CORO1B: variants seen among roughly 807,000 people sequenced by gnomAD.
The protein encoded by CORO1B is coronin 1B, also known as coronin-1B.
A neutral mutation model predicts 51.1 loss-of-function variants in CORO1B; 30 were observed. The observed-to-expected ratio is 0.59, with a 90% CI of 0.44 to 0.80. CORO1B has a LOEUF of 0.80. CORO1B is among the 30% of genes least tolerant of loss of function. The pLI is 0.00. For synonymous variants in CORO1B, 310 were observed against 289.7 expected (o/e 1.07, Z -0.71); for missense variants, 648 against 700.4 (o/e 0.93, Z 0.84).
Position 67,438,843 on chromosome 11 carries a change from G to T in CORO1B, c.1172C>A (p.Ser391Ter). Residue 391 changes from serine (S) to a stop codon, truncating the protein, a stop_gained, in exon 10 of 11, where the codon TCA becomes TAA. Coordinates refer to ENST00000341356, the MANE Select transcript of CORO1B (RefSeq NM_020441.3). LOFTEE classifies it high-confidence loss of function. ...GCTGGGCACGTAGGCCTCCCGCAGT[G>T]AGATGAGGATCGGGTCGGCATCCCG... ...SGRDADPILI[S>*]LREAYVPSKQ... The T allele has an allele frequency of 6.2e-7, 1 of 1,609,648 alleles. No individual in the cohort carries two copies. The highest frequency in any genetic ancestry group is 8.5e-7 in the Non-Finnish European group (1 of 1,179,120).
Position 67,437,656 on chromosome 11 carries a change from C to T in CORO1B, c.*720G>A, listed in dbSNP as rs1423383443. The T allele has an allele frequency of 1.7e-5, 23 of 1,359,024 alleles. No individual in the cohort carries two copies. The highest frequency in any genetic ancestry group is 1.9e-5 in the Non-Finnish European group (20 of 1,047,202). 84.2% of individuals were successfully genotyped at this position (1,359,024 alleles called of 1,614,324 possible). ...CCCCTCCGTGCCGGGCACCCACCTCCAGCTCTGGCTGTGTCGAGCGAGAAG... is the reference window on the plus strand; with the variant it reads ...CCCCTCCGTGCCGGGCACCCACCTCTAGCTCTGGCTGTGTCGAGCGAGAAG... On this transcript the variant is annotated 3_prime_UTR_variant, in exon 11 of 11. Transcript: ENST00000341356.
rs377490435 is a variant in CORO1B, at chr11:67,438,388, G to A, written c.1458C>T (p.Asn486=). 1.1e-5 allele frequency: 17 copies of A among 1,605,990 alleles called. No homozygotes were observed. Among genetic ancestry groups the A allele is most frequent in the African/African-American group, 6.7e-5 (5 of 74,850 alleles). The change falls in exon 11 of 11, where the codon AAC becomes AAT. Residue 486 remains asparagine, a synonymous_variant. Coordinates refer to ENST00000341356, the MANE Select transcript of CORO1B (RefSeq NM_020441.3). ...TGTGGCTGTGGCCCTACGCATCCCC[G>A]TTCTCCATGCGGCCCAGCTGCTCCT... ...RLEEQLGRME[N]GDA
Position 67,438,452 on chromosome 11 carries a change from G to A in CORO1B, c.1394C>T (p.Ala465Val), listed in dbSNP as rs190944233. Residue 465 changes from alanine to valine, a missense_variant, in exon 11 of 11, where the codon GCG becomes GTG. Coordinates refer to ENST00000341356, the MANE Select transcript of CORO1B (RefSeq NM_020441.3). ...EVMQELRALRALVKEQGDRIC... is the reference protein window; with the variant it reads ...EVMQELRALRVLVKEQGDRIC... ...GCGGTCGCCCTGCTCCTTGACCAGC[G>A]CCCTCAGGGCCCGCAGCTCCTGCAT... The A allele has an allele frequency of 3.4e-5, 54 of 1,611,168 alleles. No homozygotes were observed. The highest frequency in any genetic ancestry group is 5.3e-5 in the African/African-American group (4 of 75,036).
In CORO1B at chr11:67,438,419, C is replaced by T. The variant is rs2286624; in HGVS notation, c.1427G>A (p.Arg476His). Residue 476 changes from arginine to histidine, a missense_variant, in exon 11 of 11, where the codon CGC (arginine) becomes CAC (histidine). Arg to His is a conservative substitution (Grantham distance 29). Coordinates refer to ENST00000341356, the MANE Select transcript of CORO1B (RefSeq NM_020441.3). Reference protein sequence around the residue: ...LVKEQGDRICRLEEQLGRMEN... With the variant: ...LVKEQGDRICHLEEQLGRMEN... ...CATGCGGCCCAGCTGCTCCTCCAGGCGGCAGATGCGGTCGCCCTGCTCCTT... is the reference window on the plus strand; with the variant it reads ...CATGCGGCCCAGCTGCTCCTCCAGGTGGCAGATGCGGTCGCCCTGCTCCTT... 8.3e-5 allele frequency: 133 copies of T among 1,610,542 alleles called. No individual in the cohort carries two copies. The highest frequency in any genetic ancestry group is 2.5e-4 in the Admixed American group (15 of 59,946).
Position 67,437,933 on chromosome 11 carries a change from C to G in CORO1B, c.*443G>C, listed in dbSNP as rs1864318825. 2.7e-6 allele frequency: 1 copy of G among 372,038 alleles called. No individual in the cohort carries two copies. Among genetic ancestry groups the G allele is most frequent in the Admixed American group, 4.5e-5 (1 of 22,084 alleles). 23.0% of individuals were successfully genotyped at this position (372,038 alleles called of 1,614,324 possible). A position where few individuals can be genotyped will look rare whatever the true frequency, so the allele number is the denominator to read the frequency against. On this transcript the variant is annotated 3_prime_UTR_variant, in exon 11 of 11. Transcript: ENST00000341356. ...TGCCTGACAATCCAGGGGAGCAATG[C>G]CTGTGGGGCTGCTCACTGCCCCCAG...
Position 67,437,724 on chromosome 11 carries a change from C to T in CORO1B, c.*652G>A, listed in dbSNP as rs756947153. ...TGCAGTGAAGGGTGGCCCAGGCTTCCGCTTCCTGCCCACATACCCCACCTG... is the reference window on the plus strand; with the variant it reads ...TGCAGTGAAGGGTGGCCCAGGCTTCTGCTTCCTGCCCACATACCCCACCTG... On this transcript the variant is annotated 3_prime_UTR_variant, in exon 11 of 11. Coordinates refer to ENST00000341356, the MANE Select transcript of CORO1B (RefSeq NM_020441.3). 19 of 1,249,474 alleles carry T rather than the reference C, an allele frequency of 1.5e-5. No homozygotes were observed. The East Asian group carries it at 2.9e-4, about 19-fold the overall frequency. The allele number at this position is 1,249,474 out of a possible 1,614,324, so 77.4% of individuals were successfully genotyped here.
At chr11:67,443,518 G>A (rs899989611), upstream of CORO1B, 8 of 928,716 alleles carry the variant, frequency 8.6e-6, no homozygotes, top group Non-Finnish European at 1.0e-5. Flanking sequence ...CGGAGCGGGG[G>A]CGGGGCAGGG....
Position 67,438,237 on chromosome 11 carries a change from TG to T in CORO1B, c.*138del. ...CTGGGCGCTGGCTTCGGCCTGGGCC[TG>T]GGACGGGTGGGGGTGGGAACTGACC... On this transcript the variant is annotated 3_prime_UTR_variant, in exon 11 of 11. Transcript: ENST00000341356. 1.8e-6 allele frequency: 2 copies of T among 1,100,338 alleles called. No individual in the cohort carries two copies. Among genetic ancestry groups the T allele is most frequent in the Non-Finnish European group, 2.6e-6 (2 of 780,780 alleles). 68.2% of individuals were successfully genotyped at this position (1,100,338 alleles called of 1,614,324 possible). A position where few individuals can be genotyped will look rare whatever the true frequency, so the allele number is the denominator to read the frequency against.
At position 67,436,312 on chromosome 11, in the gene CORO1B, G is replaced by T; in HGVS notation, c.*2064C>A. 6.6e-7 allele frequency: 1 copy of T among 1,518,648 alleles called. No individual in the cohort carries two copies. The allele number at this position is 1,518,648 out of a possible 1,614,324, so 94.1% of individuals were successfully genotyped here. A position where few individuals can be genotyped will look rare whatever the true frequency, so the allele number is the denominator to read the frequency against. ...CACCCGAGCCCAAGGCCCCTGGCAG[G>T]GCCAGCAGCATCCCGAGCCCTAAGG... On this transcript the variant is annotated 3_prime_UTR_variant, in exon 11 of 11. Transcript: ENST00000341356.
intron 8 of CORO1B, 96 bp from the exon 9 acceptor site, chr11:67,439,939 AGGACCTCCGCAGGCCG>A: frequency 7.6e-7 from 1 of 1,317,198 alleles, no homozygotes; most frequent in Non-Finnish European, 1.0e-6. Context: ...TCCTCACCCC[AGGACCTCCGCAGGCCG>A]ACCCCTAAGG....
Position 67,438,419 on chromosome 11 carries a change from C to A in CORO1B, c.1427G>T (p.Arg476Leu), listed in dbSNP as rs2286624. ...LVKEQGDRIC[R>L]LEEQLGRMEN... ...CATGCGGCCCAGCTGCTCCTCCAGG[C>A]GGCAGATGCGGTCGCCCTGCTCCTT... is the stretch of plus-strand genomic sequence containing the variant. The change falls in exon 11 of 11, where the codon CGC becomes CTC. Residue 476 changes from arginine to leucine, a missense_variant. Coordinates refer to ENST00000341356, the MANE Select transcript of CORO1B (RefSeq NM_020441.3). 4.7e-4 allele frequency: 763 copies of A among 1,610,658 alleles called. 8 individuals are homozygous for A. The East Asian group carries it at 0.013, about 28-fold the overall frequency.
upstream of CORO1B, chr11:67,443,616 G>T: frequency 1.4e-6 from 1 of 716,146 alleles, no homozygotes; most frequent in Non-Finnish European, 1.7e-6. Flanking sequence ...GGCCGCCGGG[G>T]ACGGGGCCAG....
At chr11:67,442,688 C>T (rs1275595233) in intron 1 of CORO1B, 58 bp from the exon 2 acceptor site, 2 of 1,561,292 alleles carry the variant, frequency 1.3e-6, no homozygotes, top group Non-Finnish European at 1.8e-6. Context: ...CAGCCCTCCC[C>T]AGGCTGCTGA....
chr11:67,438,806 G>A lies in CORO1B; in HGVS notation c.1209C>T (p.Asp403=), dbSNP rs548209940. The A allele has an allele frequency of 1.5e-4, 237 of 1,606,620 alleles. 3 individuals are homozygous for A. In the South Asian group the frequency reaches 2.5e-3, roughly 17 times the overall value. ...REAYVPSKQR[D]LKISRRNVLS... ...ACACGTTGCGCCGGCTGATCTTCAG[G>A]TCCCGCTGCTTGCTGGGCACGTAGG... Residue 403 remains aspartate (D), a synonymous_variant, in exon 10 of 11, where the codon GAC becomes GAT. Coordinates refer to ENST00000341356, the MANE Select transcript of CORO1B (RefSeq NM_020441.3).
intron 8 of CORO1B, 25 bp downstream of exon 8, chr11:67,440,093 C>G (rs367930960): frequency 6.3e-7 from 1 of 1,593,434 alleles, no homozygotes. Flanking sequence ...CCCCTATCCC[C>G]GAGTGGCCTC....
At position 67,436,447 on chromosome 11, in the gene CORO1B, C is replaced by T; in HGVS notation, c.*1929G>A. 7.5e-7 allele frequency: 1 copy of T among 1,338,978 alleles called. No individual in the cohort carries two copies. The highest frequency in any genetic ancestry group is 9.8e-7 in the Non-Finnish European group (1 of 1,021,610). 82.9% of individuals were successfully genotyped at this position (1,338,978 alleles called of 1,614,324 possible). A position where few individuals can be genotyped will look rare whatever the true frequency, so the allele number is the denominator to read the frequency against. On this transcript the variant is annotated 3_prime_UTR_variant, in exon 11 of 11. Coordinates refer to ENST00000341356, the MANE Select transcript of CORO1B (RefSeq NM_020441.3). ...ACCAAGACCACTTTCGTTTTTTTCT[C>T]TTTGGGATCCTCTTGGGACAGCCAA...
Position 67,441,135 on chromosome 11 carries a change from A to T in CORO1B, c.746T>A (p.Leu249His), listed in dbSNP as rs1230721078. 2 of 1,612,852 alleles carry T rather than the reference A, an allele frequency of 1.2e-6. No individual in the cohort carries two copies. The highest frequency in any genetic ancestry group is 8.5e-7 in the Non-Finnish European group (1 of 1,179,988). The change falls in exon 6 of 11, where the codon CTC (leucine) becomes CAC (histidine). Residue 249 changes from leucine to histidine, a missense_variant. By Grantham distance (99) the Leu-to-His change is moderately conservative. Coordinates refer to ENST00000341356, the MANE Select transcript of CORO1B (RefSeq NM_020441.3). ...AGGCTGGCCACTCACTGGGTCCCAG[A>T]GCGCCAGCTGCCGCTCGCTCATTCG... ...FSRMSERQLA[L>H]WDPENLEEPM...
chr11:67,435,964 G>C lies in CORO1B; in HGVS notation c.*2412C>G, dbSNP rs747969831. On this transcript the variant is annotated 3_prime_UTR_variant, in exon 11 of 11. Coordinates refer to ENST00000341356, the MANE Select transcript of CORO1B (RefSeq NM_020441.3). The stretch of plus-strand genomic sequence containing the variant: ...TGGACGCCTCTCCACATTGCTGCTC[G>C]CCTTCCCCAGGGTCAGCCTGCAGGC... 1 of 1,613,498 alleles carries C rather than the reference G, an allele frequency of 6.2e-7. No individual in the cohort carries two copies. The highest frequency in any genetic ancestry group is 1.1e-5 in the South Asian group (1 of 91,090).
chr11:67,435,858 G>A lies in CORO1B; in HGVS notation c.*2518C>T, dbSNP rs1356728253. 2 of 1,610,600 alleles carry A rather than the reference G, an allele frequency of 1.2e-6. No individual in the cohort carries two copies. The highest frequency in any genetic ancestry group is 2.2e-5 in the East Asian group (1 of 44,866). On this transcript the variant is annotated 3_prime_UTR_variant, in exon 11 of 11. Transcript: ENST00000341356. ...TCAGCACTGCCCCCTGCGCTCGCTGGTCCTGGGGAGCCGAGGACCAGGTCG... is the reference window on the plus strand; with the variant it reads ...TCAGCACTGCCCCCTGCGCTCGCTGATCCTGGGGAGCCGAGGACCAGGTCG...
Sources: gnomAD v4.1 joint callset for allele counts on GRCh38, gnomAD v4.1.1 for gene constraint, MANE v1.5 for transcripts, NCBI Gene and HGNC (gene_info 2026-07-23, HGNC 2026-07-21) for gene names.